Variants in DPYSL3 observed in about 807,000 individuals in gnomAD.
DPYSL3 encodes dihydropyrimidinase like 3, also known as dihydropyrimidinase-related protein 3.
In DPYSL3, 16 loss-of-function variants were observed where a neutral mutation model predicts 66.1. That is an observed-to-expected ratio of 0.24 (90% CI 0.16 to 0.37). The LOEUF (loss-of-function observed/expected upper bound fraction) is 0.37, where lower values mean the gene tolerates loss of function less well. Among genes scored for constraint, DPYSL3 ranks in the 10% least tolerant of loss-of-function variants. The pLI, the probability that DPYSL3 is intolerant of heterozygous loss-of-function variation, is 1.00. For synonymous variants in DPYSL3, 338 were observed against 345.1 expected (o/e 0.98, Z 0.23); for missense variants, 738 against 916.2 (o/e 0.81, Z 2.51).
chr5:147,502,807 A>G (rs893553982), intron 1 of DPYSL3, among the ~76,000 whole-genome samples: 3 of 151,924 alleles, frequency 2.0e-5, no homozygotes, highest in Non-Finnish European at 4.4e-5. Context: ...CGATCTCATG[A>G]CCTCGTCATC....
intron 1 of DPYSL3, among the ~76,000 whole-genome samples, chr5:147,479,359 C>T (rs1049561647): frequency 3.3e-5 from 5 of 152,140 alleles, no homozygotes; most frequent in Non-Finnish European, 1.5e-5. Flanking sequence ...CAGGTCTCAG[C>T]GCCTTTGGCT....
At position 147,418,632 on chromosome 5, in the gene DPYSL3, C is replaced by T. The variant is rs1209327796; in HGVS notation, c.471-1G>A. The T allele has an allele frequency of 6.4e-7, 1 of 1,562,552 alleles. No individual in the cohort carries two copies. Among genetic ancestry groups the T allele is most frequent in the Admixed American group, 1.9e-5 (1 of 53,686 alleles). ...AACAATCAGATTGTCTCCAATTTGT[C>T]TGGTGAAACAAACAAACAAAAAAAT... On this transcript the variant is annotated splice_acceptor_variant, in intron 2 of 13. Coordinates refer to ENST00000343218, the MANE Select transcript of DPYSL3 (RefSeq NM_001197294.2). LOFTEE classifies it high-confidence loss of function.
At chr5:147,409,870 T>C (rs1749399200) in intron 6 of DPYSL3, among the ~76,000 whole-genome samples, 1 of 152,168 alleles carries the variant, frequency 6.6e-6, no homozygotes, top group African/African-American at 2.4e-5. Context: ...AGGTAAGGAT[T>C]CTTACCACCT....
chr5:147,424,815 A>G (rs1287469928), intron 2 of DPYSL3, 60 bp downstream of exon 2: 1 of 1,277,244 alleles, frequency 7.8e-7, no homozygotes, highest in East Asian at 2.4e-5. Flanking sequence ...AACCTCCTTT[A>G]TGAGCCATTA....
intron 1 of DPYSL3, among the ~76,000 whole-genome samples, chr5:147,492,153 G>A (rs1753425539): frequency 6.6e-6 from 1 of 151,934 alleles, no homozygotes; most frequent in African/African-American, 2.4e-5. Flanking sequence ...AATATTCAGA[G>A]AAATAAAAAA....
At chr5:147,397,894 G>GAGA (rs745394217) in intron 11 of DPYSL3, 49 bp from the exon 12 acceptor site, 3 of 1,504,734 alleles carry the variant, frequency 2.0e-6, no homozygotes, top group Admixed American at 2.0e-5. Flanking sequence ...AGAGAAAGAG[G>GAGA]AACGTACCTT....
intron 1 of DPYSL3, among the ~76,000 whole-genome samples, chr5:147,450,188 AT>A (rs891988123): frequency 3.3e-5 from 5 of 152,090 alleles, no homozygotes; most frequent in Non-Finnish European, 7.4e-5. Context: ...ATTTTCTAAG[AT>A]TTTTTTAACT....
chr5:147,411,327 A>T (rs1751848762), intron 6 of DPYSL3, among the ~76,000 whole-genome samples: 1 of 152,134 alleles, frequency 6.6e-6, no homozygotes, highest in African/African-American at 2.4e-5. Context: ...CAACATGGAG[A>T]GTCTGAAATC....
At chr5:147,425,353 T>C (rs1280666289) in intron 1 of DPYSL3, among the ~76,000 whole-genome samples, 1 of 152,198 alleles carries the variant, frequency 6.6e-6, no homozygotes, top group East Asian at 1.9e-4. Flanking sequence ...TGACACTCAA[T>C]GGTGATTCTC....
At chr5:147,482,681 G>A (rs1753267746) in intron 1 of DPYSL3, among the ~76,000 whole-genome samples, 1 of 152,198 alleles carries the variant, frequency 6.6e-6, no homozygotes. Flanking sequence ...AGTTTCACTT[G>A]TATTGAGCTT....
At position 147,393,882 on chromosome 5, in the gene DPYSL3, G is replaced by A. The variant is rs1282887304; in HGVS notation, c.*153C>T. On this transcript the variant is annotated 3_prime_UTR_variant, in exon 14 of 14. Transcript: ENST00000343218. The stretch of plus-strand genomic sequence containing the variant: ...GCAATATTCGTAAAGCTAGGCAAGC[G>A]AGCGTAACATTGGAGAAACATAAGG... 1.1e-5 allele frequency: 8 copies of A among 754,634 alleles called. No individual in the cohort carries two copies. Among genetic ancestry groups the A allele is most frequent in the Admixed American group, 5.6e-5 (2 of 35,530 alleles). The allele number at this position is 754,634 out of a possible 1,614,324, so 46.7% of individuals were successfully genotyped here.
At chr5:147,432,432 G>C (rs754906296) in intron 1 of DPYSL3, among the ~76,000 whole-genome samples, 3 of 152,154 alleles carry the variant, frequency 2.0e-5, no homozygotes, top group Non-Finnish European at 2.9e-5. Context: ...CCATTTTAAA[G>C]ATGTCATTAT....
chr5:147,452,438 T>TACACATAC (rs1752749311), intron 1 of DPYSL3, among the ~76,000 whole-genome samples: 1 of 142,046 alleles, frequency 7.0e-6, no homozygotes, highest in African/African-American at 2.6e-5. Flanking sequence ...ATTCCCCCAC[T>TACACATAC]ACACACACAC....
rs1243592297 is a variant in DPYSL3, at chr5:147,393,365, G to C, written c.*670C>G. On this transcript the variant is annotated 3_prime_UTR_variant, in exon 14 of 14. Transcript: ENST00000343218. ...CACTGGCACAATCAAGCAGGTGGAA[G>C]AAATGGTTGGGTCTTGGCATTTTAA... 6.6e-6 allele frequency: 1 copy of C among 152,278 alleles called. No homozygotes were observed. Among genetic ancestry groups the C allele is most frequent in the Non-Finnish European group, 1.5e-5 (1 of 68,124 alleles). The allele number at this position is 152,278 out of a possible 1,614,324, so 9.4% of individuals were successfully genotyped here.
chr5:147,394,128 A>G lies in DPYSL3; in HGVS notation c.1967-5T>C, dbSNP rs773408854. On this transcript the variant is annotated splice_polypyrimidine_tract_variant and splice_region_variant and intron_variant, in intron 13 of 13. Coordinates refer to ENST00000343218, the MANE Select transcript of DPYSL3 (RefSeq NM_001197294.2). ...CCCCCTCATCCACTTGGGTGCCTACAGTTGGAAATAAATTCCCAGGGGGAA... is the reference window on the plus strand; with the variant it reads ...CCCCCTCATCCACTTGGGTGCCTACGGTTGGAAATAAATTCCCAGGGGGAA... 3 of 1,613,678 alleles carry G rather than the reference A, an allele frequency of 1.9e-6. No individual in the cohort carries two copies. The highest frequency in any genetic ancestry group is 4.5e-5 in the East Asian group (2 of 44,802).
intron 1 of DPYSL3, among the ~76,000 whole-genome samples, chr5:147,434,319 T>G (rs1752375000): frequency 1.3e-5 from 2 of 152,190 alleles, no homozygotes; most frequent in Admixed American, 6.5e-5. Flanking sequence ...AGTTTTGTGT[T>G]TTATTACTTG....
chr5:147,426,345 A>C (rs1214271527), intron 1 of DPYSL3, among the ~76,000 whole-genome samples: 1 of 152,128 alleles, frequency 6.6e-6, no homozygotes, highest in African/African-American at 2.4e-5. Context: ...GAAGGAGCTT[A>C]GGGTTCAAGG....
chr5:147,450,355 A>C (rs7713047), intron 1 of DPYSL3, among the ~76,000 whole-genome samples: 92,323 of 151,954 alleles, frequency 0.61, 28,514 homozygotes, highest in African/African-American at 0.72. Context: ...TAAATCAATT[A>C]ATCCATTTAA....
intron 8 of DPYSL3, among the ~76,000 whole-genome samples, chr5:147,404,491 C>A (rs1442879559): frequency 6.6e-6 from 1 of 152,202 alleles, no homozygotes; most frequent in Non-Finnish European, 1.5e-5. Flanking sequence ...CCATGTTGGG[C>A]CTCTCTACTA....
Sources: gnomAD v4.1 joint callset for allele counts (sites outside exome capture counted in the v4.1 genomes callset) on GRCh38, gnomAD v4.1.1 for gene constraint, MANE v1.5 for transcripts, NCBI Gene and HGNC (gene_info 2026-07-23, HGNC 2026-07-21) for gene names.